The following XYLT1 variants were observed in gnomAD, a reference collection of about 807,000 sequenced individuals.
XYLT1 encodes the protein beta-D-xylosyltransferase 1.
A neutral mutation model predicts 91.3 loss-of-function variants in XYLT1; 36 were observed. That is an observed-to-expected ratio of 0.39 (90% confidence interval 0.30 to 0.52). The LOEUF (loss-of-function observed/expected upper bound fraction) is 0.52, where lower values mean the gene tolerates loss of function less well. Among genes scored for constraint, XYLT1 ranks in the 20% least tolerant of loss-of-function variants. The pLI is 0.68. For missense variants in XYLT1, 1,242 were observed against 1,284.5 expected (o/e 0.97, Z 0.51); for synonymous variants, 588 against 532.0 (o/e 1.11, Z -1.45).
intron 1 of XYLT1, among the ~76,000 whole-genome samples, chr16:17,379,237 T>C (rs1025102703): frequency 6.6e-6 from 1 of 152,180 alleles, no homozygotes; most frequent in African/African-American, 2.4e-5. Context: ...AAATAAACCC[T>C]GCTAACTTCA....
intron 2 of XYLT1, among the ~76,000 whole-genome samples, chr16:17,327,705 T>C (rs997062521): frequency 6.7e-6 from 1 of 149,928 alleles, no homozygotes; most frequent in Non-Finnish European, 1.5e-5. Context: ...TCATAATTGA[T>C]CACAATCAGC....
chr16:17,398,818 G>GCCC (rs71230739), intron 1 of XYLT1, among the ~76,000 whole-genome samples: 10,468 of 84,320 alleles, frequency 0.12, 1,034 homozygotes, highest in Non-Finnish European at 0.16. Flanking sequence ...AAATGTCCCC[G>GCCC]CCCCCCCCCA....
At chr16:17,207,052 C>CTTTTTTT (rs1211378641) in intron 3 of XYLT1, among the ~76,000 whole-genome samples, 209 of 121,062 alleles carry the variant, frequency 1.7e-3, no homozygotes, top group Middle Eastern at 4.7e-3. Flanking sequence ...TCTTTTCTTT[C>CTTTTTTT]TTTTTTTTTT....
chr16:17,128,055 A>T (rs2030326137), intron 9 of XYLT1, among the ~76,000 whole-genome samples, 194 bp from the exon 10 acceptor site: 1 of 152,144 alleles, frequency 6.6e-6, no homozygotes. Flanking sequence ...TGAATGAAAA[A>T]CATGCTGACT....
chr16:17,251,589 C>T (rs2141748827), intron 3 of XYLT1, among the ~76,000 whole-genome samples: 1 of 152,318 alleles, frequency 6.6e-6, no homozygotes, highest in South Asian at 2.1e-4. Flanking sequence ...GACATTTTAA[C>T]TCAAGACACA....
Position 17,312,058 on chromosome 16 carries a change from G to C in XYLT1, c.402+45954C>G, listed in dbSNP as rs2034560046. Among the ~76,000 whole-genome samples, 3 of 152,176 alleles carry C rather than the reference G, an allele frequency of 2.0e-5. No homozygotes were observed. Among genetic ancestry groups the C allele is most frequent in the Admixed American group, 2.0e-4 (3 of 15,272 alleles). On this transcript the variant is annotated intron_variant, in intron 2 of 11. Coordinates refer to ENST00000261381, the MANE Select transcript of XYLT1 (RefSeq NM_022166.4). The surrounding 1 kb of genome is among the most constrained non-coding windows in gnomAD (Gnocchi z 4.4). ...CCAAACCATATCAATGGGGGTTTAA[G>C]CAGAGGTCTGAGGCCCAGAAAGGCC...
At chr16:17,448,638 A>C (rs1321056295) in intron 1 of XYLT1, among the ~76,000 whole-genome samples, 1 of 143,766 alleles carries the variant, frequency 7.0e-6, no homozygotes, top group East Asian at 2.1e-4. Context: ...CTCCTCCTAC[A>C]AGAATCAACA....
chr16:17,289,218 T>G (rs770599586), intron 2 of XYLT1, among the ~76,000 whole-genome samples: 6 of 152,242 alleles, frequency 3.9e-5, no homozygotes, highest in African/African-American at 1.4e-4. Flanking sequence ...TGGTGTGCTG[T>G]GTTCCAATAA....
chr16:17,353,350 G>A (rs1188827023), intron 2 of XYLT1, among the ~76,000 whole-genome samples: 1 of 152,162 alleles, frequency 6.6e-6, no homozygotes, highest in Non-Finnish European at 1.5e-5. Context: ...TTGAGGGTGG[G>A]GGAAGTGAGG....
At chr16:17,109,652 C>T (rs117010831) in intron 11 of XYLT1, among the ~76,000 whole-genome samples, 24 of 152,282 alleles carry the variant, frequency 1.6e-4, no homozygotes, top group Non-Finnish European at 2.8e-4. Context: ...ATGGCTGTGC[C>T]CATTTATTTG....
intron 3 of XYLT1, chr16:17,249,794 G>A (rs2033507842): frequency 6.6e-6 from 1 of 152,202 alleles, no homozygotes; most frequent in Non-Finnish European, 1.5e-5. Context: ...TCAGCCTCTT[G>A]AGTAGCCGGG....
chr16:17,445,592 T>C (rs979102251), intron 1 of XYLT1, among the ~76,000 whole-genome samples: 2 of 152,190 alleles, frequency 1.3e-5, no homozygotes, highest in Non-Finnish European at 2.9e-5. Context: ...CGACTCTCAC[T>C]ACTGGCTCAG....
chr16:17,465,748 A>G (rs1320287934), intron 1 of XYLT1, among the ~76,000 whole-genome samples: 2 of 152,216 alleles, frequency 1.3e-5, no homozygotes, highest in Admixed American at 6.5e-5. Context: ...GGGAAAATGA[A>G]TAACTGCAAG....
chr16:17,138,824 G>GAGGTC (rs2030870234), intron 7 of XYLT1: 1 of 275,370 alleles, frequency 3.6e-6, no homozygotes, highest in African/African-American at 2.1e-5. Flanking sequence ...GCATGCATTT[G>GAGGTC]AGGTCAGCTG....
chr16:17,206,928 G>A (rs899048798), intron 3 of XYLT1, among the ~76,000 whole-genome samples: 5 of 152,160 alleles, frequency 3.3e-5, no homozygotes, highest in African/African-American at 1.2e-4. Flanking sequence ...AAATGAGGGA[G>A]ATGAAATTTC....
intron 2 of XYLT1, among the ~76,000 whole-genome samples, chr16:17,263,686 T>TC (rs1442762764): frequency 6.6e-6 from 1 of 151,642 alleles, no homozygotes; most frequent in Non-Finnish European, 1.5e-5. Context: ...CTCTCTGGCT[T>TC]CCCCCCTTCA....
rs114898250 is a variant in XYLT1, at chr16:17,161,252, G to A, written c.1290-2343C>T. Reference sequence around the variant, plus strand: ...TAGGCATTTAGCGAATTTACTTAGCGATGCTTCCACATGAAATCGTCTCAA... The same window carrying A: ...TAGGCATTTAGCGAATTTACTTAGCAATGCTTCCACATGAAATCGTCTCAA... On this transcript the variant is annotated intron_variant, in intron 5 of 11. Coordinates refer to ENST00000261381, the MANE Select transcript of XYLT1 (RefSeq NM_022166.4). Among the ~76,000 whole-genome samples the A allele has an allele frequency of 9.4e-3, 1,434 of 152,278 alleles. 24 individuals are homozygous for A. The highest frequency in any genetic ancestry group is 0.031 in the African/African-American group (1,304 of 41,554).
intron 2 of XYLT1, among the ~76,000 whole-genome samples, chr16:17,287,130 T>C (rs1356298743): frequency 1.3e-5 from 2 of 152,116 alleles, no homozygotes; most frequent in East Asian, 1.9e-4. Flanking sequence ...TGAACAAGCA[T>C]ACGCAGAAAC....
intron 9 of XYLT1, among the ~76,000 whole-genome samples, chr16:17,129,311 G>C (rs2030383696): frequency 6.6e-6 from 1 of 152,034 alleles, no homozygotes; most frequent in Admixed American, 6.5e-5. Flanking sequence ...GCCCAGGCTG[G>C]AGTGCAGTGG....
Sources: gnomAD v4.1 joint callset for allele counts (sites outside exome capture counted in the v4.1 genomes callset) on GRCh38, gnomAD v4.1.1 for gene constraint, Gnocchi (gnomAD v3.1) non-coding constraint, MANE v1.5 for transcripts, NCBI Gene and HGNC (gene_info 2026-07-23, HGNC 2026-07-21) for gene names.